The following ACACA variants were observed in gnomAD, a reference collection of about 807,000 sequenced individuals.
The protein encoded by ACACA is acetyl-CoA carboxylase 1.
In ACACA, 103 loss-of-function variants were observed where a neutral mutation model predicts 296.1. The observed-to-expected ratio is 0.35, with a 90% CI of 0.30 to 0.41. The LOEUF is 0.41. ACACA is among the 10% of genes least tolerant of loss of function. The pLI is 1.00. For synonymous variants in ACACA, 953 were observed against 1,038.6 expected, an observed-to-expected ratio of 0.92 and a Z score of 1.58; for missense variants, 1,554 against 2,989.7, an observed-to-expected ratio of 0.52 and a Z score of 11.20.
intron 43 of ACACA, among the ~76,000 whole-genome samples, chr17:37,155,411 G>A (rs997794001): frequency 2.0e-5 from 3 of 152,040 alleles, no homozygotes; most frequent in Non-Finnish European, 4.4e-5. Flanking sequence ...GTGGCCTGAA[G>A]GTGGGATTGT....
intron 35 of ACACA, among the ~76,000 whole-genome samples, chr17:37,196,318 T>C (rs2077994509): frequency 6.6e-6 from 1 of 151,974 alleles, no homozygotes; most frequent in South Asian, 2.1e-4. Flanking sequence ...CTACTAATTA[T>C]GATAACTGCT....
intron 42 of ACACA, among the ~76,000 whole-genome samples, chr17:37,156,049 CTTTCTTTTTTTTT>C (rs1264138605): frequency 1.5e-5 from 2 of 129,322 alleles, no homozygotes; most frequent in East Asian, 2.3e-4. Flanking sequence ...TTCTTTCTTT[CTTTCTTTTTTTTT>C]TTTTTTTTTT....
chr17:37,191,758 C>T (rs2077760990), intron 37 of ACACA, among the ~76,000 whole-genome samples: 1 of 151,702 alleles, frequency 6.6e-6, no homozygotes, highest in South Asian at 2.1e-4. Context: ...CCAATTCTTC[C>T]TGTGATTTTT....
chr17:37,387,915 A>T (rs531766572), intron 1 of ACACA: 1 of 152,310 alleles, frequency 6.6e-6, no homozygotes, highest in South Asian at 2.1e-4. Context: ...GTAATATTCC[A>T]GCACTTTGGG....
At chr17:37,273,130 T>G (rs1348981188) in intron 9 of ACACA, among the ~76,000 whole-genome samples, 1 of 152,212 alleles carries the variant, frequency 6.6e-6, no homozygotes, top group Admixed American at 6.5e-5. Context: ...TTCTTCTTAT[T>G]AAGGAGATTA....
intron 3 of ACACA, among the ~76,000 whole-genome samples, chr17:37,326,553 G>T (rs192712716): frequency 6.6e-6 from 1 of 151,210 alleles, no homozygotes; most frequent in Non-Finnish European, 1.5e-5. Flanking sequence ...AAAAAAGGCT[G>T]GGCATGCTGG....
Position 37,269,166 on chromosome 17 carries a change from G to A in ACACA, c.1119+1585C>T, listed in dbSNP as rs1255353053. Among the ~76,000 whole-genome samples the A allele has an allele frequency of 4.0e-5, 6 of 151,772 alleles. No homozygotes were observed. The East Asian group carries it at 9.6e-4, about 24-fold the overall frequency. ...TTTTACAATTTTTTGTAGAGATAGAGTCTCACTTTATCTTCCAGACTGATC... is the reference window on the plus strand; with the variant it reads ...TTTTACAATTTTTTGTAGAGATAGAATCTCACTTTATCTTCCAGACTGATC... On this transcript the variant is annotated intron_variant, in intron 10 of 55. Coordinates refer to ENST00000616317, the MANE Select transcript of ACACA (RefSeq NM_198834.3).
intron 3 of ACACA, among the ~76,000 whole-genome samples, chr17:37,321,773 A>T (rs2047369889): frequency 6.7e-6 from 1 of 149,494 alleles, no homozygotes; most frequent in African/African-American, 2.5e-5. Context: ...TAAATAATTA[A>T]AAAAAAATAC....
At chr17:37,164,480 G>C (rs1361707657) in intron 41 of ACACA, among the ~76,000 whole-genome samples, 1 of 151,918 alleles carries the variant, frequency 6.6e-6, no homozygotes, top group Non-Finnish European at 1.5e-5. Flanking sequence ...CCAAATACAA[G>C]TCAAAATGGA....
chr17:37,260,579 T>C (rs567710322), intron 11 of ACACA, among the ~76,000 whole-genome samples: 15 of 151,064 alleles, frequency 9.9e-5, no homozygotes, highest in South Asian at 2.1e-4. Flanking sequence ...GCTGGGATTA[T>C]AGGCGTGAGC....
At chr17:37,347,657 CTT>C (rs899252483) in intron 1 of ACACA, among the ~76,000 whole-genome samples, 1 of 150,480 alleles carries the variant, frequency 6.6e-6, no homozygotes, top group Non-Finnish European at 1.5e-5. Context: ...AATCCCAACA[CTT>C]TGGAAGGCTG....
At position 37,226,379 on chromosome 17, in the gene ACACA, C is replaced by T. The variant is rs1424520287; in HGVS notation, c.3320G>A (p.Ser1107Asn). The T allele has an allele frequency of 2.1e-5, 34 of 1,614,024 alleles. No individual in the cohort carries two copies. The highest frequency in any genetic ancestry group is 3.3e-5 in the Admixed American group (2 of 60,002). The change falls in exon 26 of 56, where the codon AGT (serine) becomes AAT (asparagine). Residue 1107 changes from serine to asparagine, a missense_variant. This residue lies in a region of ACACA where 42 missense variants were observed against 147.5 expected (regional missense o/e 0.28). Transcript: ENST00000616317. ...TGCTACTTTGGCATTGGTGGTCTTA[C>T]TGAGTTGAGTTAGCTCTGTGAGAAT... ...LNILTELTQL[S>N]KTTNAKVALR... is the part of the protein sequence containing the mutation.
intron 1 of ACACA, among the ~76,000 whole-genome samples, chr17:37,359,462 G>A (rs555894214): frequency 1.3e-5 from 2 of 152,042 alleles, no homozygotes; most frequent in South Asian, 4.1e-4. Flanking sequence ...TGGCGCCCCT[G>A]GCCCGGCCTT....
At chr17:37,365,603 GA>G in intron 1 of ACACA, 1 of 985,366 alleles carries the variant, frequency 1.0e-6, no homozygotes, top group Non-Finnish European at 1.2e-6. Flanking sequence ...TGATATAAAA[GA>G]AAAATAAGAC....
chr17:37,384,462 TTA>T (rs1267321012), intron 1 of ACACA, among the ~76,000 whole-genome samples: 1 of 152,236 alleles, frequency 6.6e-6, no homozygotes, highest in Non-Finnish European at 1.5e-5. Context: ...TGCAAAGTGT[TTA>T]CACACATGCT....
intron 3 of ACACA, chr17:37,299,230 GT>G: frequency 3.2e-6 from 5 of 1,575,314 alleles, no homozygotes; most frequent in Non-Finnish European, 4.4e-6. Flanking sequence ...GTACCTTACT[GT>G]TTTTTTAAAG....
chr17:37,203,064 C>T (rs775528703), intron 33 of ACACA, among the ~76,000 whole-genome samples: 19 of 151,258 alleles, frequency 1.3e-4, no homozygotes, highest in Non-Finnish European at 2.4e-4. Flanking sequence ...CAGGTTCAAG[C>T]GATTCTCTTG....
At chr17:37,147,078 C>T (rs1344423907) in intron 45 of ACACA, among the ~76,000 whole-genome samples, 4 of 151,928 alleles carry the variant, frequency 2.6e-5, no homozygotes, top group African/African-American at 4.8e-5. Context: ...CCTCTGAACA[C>T]CCCCACTCCT....
chr17:37,314,950 C>CTTTA (rs2047017550), intron 3 of ACACA, among the ~76,000 whole-genome samples: 5 of 60,808 alleles, frequency 8.2e-5, no homozygotes, highest in Non-Finnish European at 1.4e-4. Context: ...GCCAGGAATG[C>CTTTA]TTTTTTTTTT....
Sources: gnomAD v4.1 joint callset for allele counts (sites outside exome capture counted in the v4.1 genomes callset) on GRCh38, gnomAD v4.1.1 for gene constraint, gnomAD v4.1.1 regional missense constraint, MANE v1.5 for transcripts, NCBI Gene and HGNC (gene_info 2026-07-23, HGNC 2026-07-21) for gene names.